Variants in DCC observed in about 807,000 individuals in gnomAD.
DCC encodes netrin receptor DCC.
DCC carries 58 observed loss-of-function variants against 172.5 expected under a neutral mutation model. That is an observed-to-expected ratio of 0.34 (90% CI 0.27 to 0.42). The LOEUF (loss-of-function observed/expected upper bound fraction) is 0.42, where lower values mean the gene tolerates loss of function less well. Ranked by LOEUF, DCC falls within the 10% of genes least tolerant of loss-of-function variation. The pLI, the probability that DCC is intolerant of heterozygous loss-of-function variation, is 1.00. For synonymous variants in DCC, 709 were observed against 644.5 expected (o/e 1.10, Z -1.52); for missense variants, 1,740 against 1,791.0 (o/e 0.97, Z 0.51).
chr18:53,052,532 T>C (rs2042347238), intron 5 of DCC, among the ~76,000 whole-genome samples: 1 of 152,100 alleles, frequency 6.6e-6, no homozygotes, highest in African/African-American at 2.4e-5. Flanking sequence ...GTAGTATAGG[T>C]TACTTCTAGA....
chr18:52,837,087 T>C (rs1040565506), intron 2 of DCC, among the ~76,000 whole-genome samples: 1 of 152,178 alleles, frequency 6.6e-6, no homozygotes, highest in Non-Finnish European at 1.5e-5. Context: ...CTTTTGACCA[T>C]GGCTGGAGTG....
At chr18:53,526,086 AC>A (rs1288228268) in intron 27 of DCC, among the ~76,000 whole-genome samples, 4 of 151,988 alleles carry the variant, frequency 2.6e-5, no homozygotes, top group Non-Finnish European at 5.9e-5. Flanking sequence ...AACCAGAATT[AC>A]ATCTTTTTTG....
intron 24 of DCC, among the ~76,000 whole-genome samples, chr18:53,461,037 G>A (rs1202272633): frequency 3.3e-5 from 5 of 152,124 alleles, no homozygotes; most frequent in Non-Finnish European, 7.4e-5. Flanking sequence ...GCCAGTGATG[G>A]TGAACATTTT....
chr18:53,466,961 G>A (rs371915807), intron 24 of DCC, among the ~76,000 whole-genome samples: 1 of 152,064 alleles, frequency 6.6e-6, no homozygotes, highest in Non-Finnish European at 1.5e-5. Flanking sequence ...TTAAATTGTA[G>A]TAATTATGCT....
At chr18:53,173,302 T>C (rs145924333) in intron 8 of DCC, among the ~76,000 whole-genome samples, 1 of 152,284 alleles carries the variant, frequency 6.6e-6, no homozygotes, top group East Asian at 1.9e-4. Context: ...AACTTCATAC[T>C]GCACTTCTAA....
At chr18:52,924,417 T>C (rs2040169595) in intron 4 of DCC, among the ~76,000 whole-genome samples, 1 of 151,934 alleles carries the variant, frequency 6.6e-6, no homozygotes, top group Admixed American at 6.6e-5. Context: ...GTTTGAGCAA[T>C]TTTTTTTAGC....
chr18:53,076,431 C>T (rs1190672497), intron 7 of DCC, among the ~76,000 whole-genome samples: 5 of 152,084 alleles, frequency 3.3e-5, no homozygotes, highest in Admixed American at 6.6e-5. Flanking sequence ...ATCCCTTTTG[C>T]TTAGGGTATG....
intron 1 of DCC, among the ~76,000 whole-genome samples, chr18:52,356,043 C>G (rs571467833): frequency 1.3e-4 from 20 of 152,308 alleles, no homozygotes; most frequent in Admixed American, 9.8e-4. Context: ...AATGACTTCC[C>G]TGGTCACTAG....
intron 23 of DCC, among the ~76,000 whole-genome samples, chr18:53,451,779 T>C (rs1159733855): frequency 6.6e-6 from 1 of 152,164 alleles, no homozygotes; most frequent in Non-Finnish European, 1.5e-5. Context: ...CCTGTAACTC[T>C]ATTTGTAGAT....
intron 5 of DCC, among the ~76,000 whole-genome samples, chr18:53,044,752 A>G (rs543962665): frequency 1.3e-4 from 20 of 152,010 alleles, no homozygotes; most frequent in African/African-American, 4.6e-4. Flanking sequence ...TAATAAATTT[A>G]TTTTTCTTTT....
At chr18:52,910,238 G>A (rs958408674) in intron 3 of DCC, among the ~76,000 whole-genome samples, 5 of 152,260 alleles carry the variant, frequency 3.3e-5, no homozygotes, top group African/African-American at 9.6e-5. Context: ...GACTCTGACA[G>A]AAGCTGGTTA....
intron 24 of DCC, among the ~76,000 whole-genome samples, chr18:53,461,435 A>G (rs1321770925): frequency 1.3e-5 from 2 of 152,052 alleles, no homozygotes; most frequent in Non-Finnish European, 2.9e-5. Flanking sequence ...TAAGTCCTTA[A>G]TCCACCTTGA....
At chr18:53,303,588 G>A (rs1404234141) in intron 12 of DCC, among the ~76,000 whole-genome samples, 1 of 152,210 alleles carries the variant, frequency 6.6e-6, no homozygotes, top group Admixed American at 6.5e-5. Flanking sequence ...CCCCCTTGCA[G>A]GATATGTGAC....
chr18:52,381,482 C>T (rs1985581782), intron 1 of DCC, among the ~76,000 whole-genome samples: 1 of 152,114 alleles, frequency 6.6e-6, no homozygotes, highest in Non-Finnish European at 1.5e-5. Flanking sequence ...GTTCCAGTTG[C>T]AAAACAGGAG....
chr18:53,103,146 A>G (rs557492632), intron 7 of DCC, among the ~76,000 whole-genome samples: 3 of 151,976 alleles, frequency 2.0e-5, no homozygotes, highest in African/African-American at 7.2e-5. Context: ...ACCATGCAAA[A>G]TTCCGTGGTA....
At chr18:52,941,599 TC>T (rs1253856932) in intron 5 of DCC, among the ~76,000 whole-genome samples, 1 of 151,988 alleles carries the variant, frequency 6.6e-6, no homozygotes, top group African/African-American at 2.4e-5. Flanking sequence ...ATATTTGCTT[TC>T]CTTTTAAAAG....
At chr18:52,946,225 C>G (rs560253831) in intron 5 of DCC, among the ~76,000 whole-genome samples, 412 of 152,312 alleles carry the variant, frequency 2.7e-3, no homozygotes, top group African/African-American at 9.6e-3. Context: ...ACAGCCTTTT[C>G]CCTACAAGAC....
At chr18:53,517,194 A>C (rs1256280867) in intron 27 of DCC, among the ~76,000 whole-genome samples, 8 of 147,486 alleles carry the variant, frequency 5.4e-5, no homozygotes, top group Non-Finnish European at 1.2e-4. Context: ...AAACTATCGC[A>C]AGAACAAAAA....
chr18:52,350,960 G>A (rs1219866567), intron 1 of DCC, among the ~76,000 whole-genome samples: 4 of 152,126 alleles, frequency 2.6e-5, no homozygotes. Flanking sequence ...TTACAGCCCA[G>A]TGAGATAAAT....
Sources: allele counts gnomAD v4.1 joint callset (sites outside exome capture counted in the v4.1 genomes callset), GRCh38; gene constraint gnomAD v4.1.1; transcripts MANE v1.5; gene names NCBI Gene and HGNC (gene_info 2026-07-23, HGNC 2026-07-21).